MSI2: variants seen among roughly 807,000 people sequenced by gnomAD.
MSI2 encodes the protein musashi RNA binding protein 2, also known as RNA-binding protein Musashi homolog 2.
A neutral mutation model predicts 45.6 loss-of-function variants in MSI2; 17 were observed. That is an observed-to-expected ratio of 0.37 (90% confidence interval 0.26 to 0.56). The LOEUF (loss-of-function observed/expected upper bound fraction) is 0.56, where lower values mean the gene tolerates loss of function less well. Among genes scored for constraint, MSI2 ranks in the 20% least tolerant of loss-of-function variants. The pLI, the probability that MSI2 is intolerant of heterozygous loss-of-function variation, is 0.77. For synonymous variants in MSI2, 156 were observed against 158.2 expected, an observed-to-expected ratio of 0.99 and a Z score of 0.11; for missense variants, 293 against 444.2, an observed-to-expected ratio of 0.66 and a Z score of 3.06.
intron 1 of MSI2, 129 bp downstream of exon 1, chr17:57,256,933 G>A (rs1002227943): frequency 4.4e-6 from 4 of 908,374 alleles, no homozygotes; most frequent in Non-Finnish European, 6.0e-6. Flanking sequence ...CCCCGTGGAA[G>A]TTACACACCT....
At chr17:57,498,305 A>G (rs1025719167) in intron 6 of MSI2, among the ~76,000 whole-genome samples, 6 of 152,268 alleles carry the variant, frequency 3.9e-5, no homozygotes, top group African/African-American at 1.4e-4. Flanking sequence ...GAGTAATTAA[A>G]AAATACAGCT....
intron 6 of MSI2, among the ~76,000 whole-genome samples, chr17:57,491,768 G>A (rs1330987632): frequency 5.3e-5 from 8 of 152,044 alleles, no homozygotes; most frequent in African/African-American, 7.2e-5. Context: ...AAGCCTTCAC[G>A]ACTGCTCTAA....
At chr17:57,671,279 C>T (rs1912752972) in intron 11 of MSI2, among the ~76,000 whole-genome samples, 1 of 152,178 alleles carries the variant, frequency 6.6e-6, no homozygotes, top group Non-Finnish European at 1.5e-5. Context: ...AGACGTTGTC[C>T]TCTTCTGGGA....
intron 6 of MSI2, among the ~76,000 whole-genome samples, chr17:57,425,349 A>G (rs1160411746): frequency 3.3e-5 from 5 of 152,264 alleles, no homozygotes. Context: ...AAAATTAAAT[A>G]CATAAGTAAA....
At chr17:57,426,728 G>A (rs1180808042) in intron 6 of MSI2, among the ~76,000 whole-genome samples, 1 of 152,188 alleles carries the variant, frequency 6.6e-6, no homozygotes, top group Non-Finnish European at 1.5e-5. Context: ...CAGGCCTGGG[G>A]CACAGGCCTT....
Position 57,681,286 on chromosome 17 carries a change from T to A in MSI2, c.*1769T>A, listed in dbSNP as rs1913580685. 1 of 182,042 alleles carries A rather than the reference T, an allele frequency of 5.5e-6. No homozygotes were observed. The highest frequency in any genetic ancestry group is 2.0e-4 in the South Asian group (1 of 5,090). The allele number at this position is 182,042 out of a possible 1,614,324, so 11.3% of individuals were successfully genotyped here. On this transcript the variant is annotated 3_prime_UTR_variant, in exon 14 of 14. Transcript: ENST00000284073. ...GGTAATAGGTCGGCAACAGCAACTA[T>A]AGAAGTACAACTCAATAGATGGCAT... is the stretch of plus-strand genomic sequence containing the variant.
chr17:57,522,213 CTGT>C (rs111556705), intron 6 of MSI2: 36,673 of 151,962 alleles, frequency 0.24, 4,661 homozygotes, highest in African/African-American at 0.32. Flanking sequence ...AGCATAATGC[CTGT>C]TAAGCCTGAC....
intron 5 of MSI2, among the ~76,000 whole-genome samples, chr17:57,371,496 C>G (rs1266447590): frequency 8.0e-6 from 1 of 124,468 alleles, no homozygotes; most frequent in Non-Finnish European, 1.7e-5. Context: ...TTTTTTCTGT[C>G]CTTTTTCATG....
chr17:57,466,741 G>A (rs925043824), intron 6 of MSI2, among the ~76,000 whole-genome samples: 2 of 152,060 alleles, frequency 1.3e-5, no homozygotes, highest in African/African-American at 4.8e-5. Flanking sequence ...GAACTTATAA[G>A]TGTCTGCATT....
Position 57,407,066 on chromosome 17 carries a change from G to A in MSI2, c.405+5595G>A, listed in dbSNP as rs1187112361. The A allele has an allele frequency of 6.6e-6, 1 of 152,236 alleles. No individual in the cohort carries two copies. The highest frequency in any genetic ancestry group is 1.5e-5 in the Non-Finnish European group (1 of 68,064). 9.4% of individuals were successfully genotyped at this position (152,236 alleles called of 1,614,324 possible). The stretch of plus-strand genomic sequence containing the variant: ...TGAAAGGGTCCTTGGAGCCCTTTGT[G>A]TCGGATTGGGGTTGTGTGGGGGCCC... On this transcript the variant is annotated intron_variant, in intron 6 of 13. Coordinates refer to ENST00000284073, the MANE Select transcript of MSI2 (RefSeq NM_138962.4). The surrounding 1 kb of genome is among the most constrained non-coding windows in gnomAD (Gnocchi z 4.1).
intron 11 of MSI2, among the ~76,000 whole-genome samples, chr17:57,666,304 C>T (rs1026334107): frequency 6.6e-6 from 1 of 152,212 alleles, no homozygotes; most frequent in African/African-American, 2.4e-5. Flanking sequence ...AACCCTTGGT[C>T]TTCTTATCTG....
At chr17:57,310,334 TA>T (rs1912283057) in intron 5 of MSI2, among the ~76,000 whole-genome samples, 1 of 142,840 alleles carries the variant, frequency 7.0e-6, no homozygotes, top group African/African-American at 2.9e-5. Context: ...AAGGTTGTGT[TA>T]TTTTTTTTTT....
Position 57,368,430 on chromosome 17 carries a change from C to T in MSI2, c.313-32949C>T, listed in dbSNP as rs186460238. Among the ~76,000 whole-genome samples, 213 of 152,122 alleles carry T rather than the reference C, an allele frequency of 1.4e-3. 2 individuals carry two copies. Among genetic ancestry groups the T allele is most frequent in the Non-Finnish European group, 2.1e-4 (14 of 67,988 alleles). On this transcript the variant is annotated intron_variant, in intron 5 of 13. Transcript: ENST00000284073. Reference sequence around the variant, plus strand: ...AATTAGCTGGTCATGGTGGTGGGCGCCTGTAATCCCAGCTACTCGGGAGAC... The same window carrying T: ...AATTAGCTGGTCATGGTGGTGGGCGTCTGTAATCCCAGCTACTCGGGAGAC...
chr17:57,505,231 A>C, intron 6 of MSI2, among the ~76,000 whole-genome samples: 1 of 152,158 alleles, frequency 6.6e-6, no homozygotes, highest in Admixed American at 6.5e-5. Flanking sequence ...ACAGAGAGGC[A>C]ATGGCTCTTC....
chr17:57,594,200 G>T (rs779469081), intron 7 of MSI2, among the ~76,000 whole-genome samples: 5 of 152,214 alleles, frequency 3.3e-5, no homozygotes, highest in Non-Finnish European at 5.9e-5. Context: ...TTGAAGGCAC[G>T]CTGGCCAATT....
chr17:57,689,854 A>G, the MSI2 span, among the ~76,000 whole-genome samples: 2 of 152,162 alleles, frequency 1.3e-5, no homozygotes, highest in African/African-American at 2.4e-5. Flanking sequence ...TTTGTGTATC[A>G]AGTACTTATT....
chr17:57,605,153 C>T (rs1906406943), intron 8 of MSI2, among the ~76,000 whole-genome samples: 1 of 152,176 alleles, frequency 6.6e-6, no homozygotes, highest in Non-Finnish European at 1.5e-5. Context: ...GCCAGAGAGG[C>T]ATTTAATAAA....
intron 6 of MSI2, among the ~76,000 whole-genome samples, chr17:57,491,061 C>T (rs1437158307): frequency 1.3e-5 from 2 of 152,168 alleles, no homozygotes; most frequent in Non-Finnish European, 2.9e-5. Flanking sequence ...CCCTCGTGGG[C>T]CATTGCCTCA....
At chr17:57,503,669 G>T (rs1369586581) in intron 6 of MSI2, among the ~76,000 whole-genome samples, 1 of 152,240 alleles carries the variant, frequency 6.6e-6, no homozygotes, top group Non-Finnish European at 1.5e-5. Flanking sequence ...CTGGGTCTGG[G>T]GTGAGGGGCA....
Sources: gnomAD v4.1 joint callset for allele counts (sites outside exome capture counted in the v4.1 genomes callset) on GRCh38, gnomAD v4.1.1 for gene constraint, Gnocchi (gnomAD v3.1) non-coding constraint, MANE v1.5 for transcripts, NCBI Gene and HGNC (gene_info 2026-07-23, HGNC 2026-07-21) for gene names.